The following PDZD2 variants were observed in gnomAD, a reference collection of about 807,000 sequenced individuals.
PDZD2 encodes the protein PDZ domain containing 2.
Under a neutral mutation model 220.7 loss-of-function variants are expected in PDZD2, and 90 were observed. The observed-to-expected ratio is 0.41, with a 90% CI of 0.34 to 0.49. The LOEUF is 0.49. Among genes scored for constraint, PDZD2 ranks in the 20% least tolerant of loss-of-function variants. PDZD2 has a pLI of 0.28. For synonymous variants in PDZD2, 1,375 were observed against 1,450.5 expected, an observed-to-expected ratio of 0.95 and a Z score of 1.18; for missense variants, 3,174 against 3,608.5, an observed-to-expected ratio of 0.88 and a Z score of 3.08.
chr5:31,654,617 C>A (rs926966291), intron 1 of PDZD2, among the ~76,000 whole-genome samples: 1 of 152,152 alleles, frequency 6.6e-6, no homozygotes, highest in Non-Finnish European at 1.5e-5. Flanking sequence ...TGATTCCCAC[C>A]CTGCCCCTTC....
At chr5:31,835,684 C>T (rs2150276420) in intron 2 of PDZD2, among the ~76,000 whole-genome samples, 1 of 151,954 alleles carries the variant, frequency 6.6e-6, no homozygotes, top group Middle Eastern at 3.4e-3. Flanking sequence ...GATAAGAATT[C>T]ATCTAGGGAC....
At chr5:32,010,012 G>A (rs1278651795) in intron 5 of PDZD2, among the ~76,000 whole-genome samples, 8 of 150,262 alleles carry the variant, frequency 5.3e-5, no homozygotes, top group Admixed American at 2.0e-4. Context: ...ACTTGAACCC[G>A]GGAGGCGGAG....
chr5:31,667,812 G>A (rs1746052323), intron 1 of PDZD2, among the ~76,000 whole-genome samples: 5 of 151,252 alleles, frequency 3.3e-5, no homozygotes, highest in Admixed American at 3.3e-4. Flanking sequence ...GCTCAGGAAG[G>A]TAGAGGGGAA....
At chr5:31,885,187 ATGCT>A (rs1740345937) in intron 2 of PDZD2, among the ~76,000 whole-genome samples, 1 of 151,576 alleles carries the variant, frequency 6.6e-6, no homozygotes. Context: ...AAAGAAAAAA[ATGCT>A]TGAGCTGTTA....
chr5:31,749,892 G>T (rs1039334031), intron 1 of PDZD2, among the ~76,000 whole-genome samples: 1 of 152,186 alleles, frequency 6.6e-6, no homozygotes, highest in Non-Finnish European at 1.5e-5. Flanking sequence ...TCTCAGTGGG[G>T]ATAAGGAGAA....
At chr5:31,752,069 G>GTTTT (rs1491302993) in intron 1 of PDZD2, among the ~76,000 whole-genome samples, 4 of 95,854 alleles carry the variant, frequency 4.2e-5, no homozygotes, top group African/African-American at 8.8e-5. Flanking sequence ...ATTGTTTTGG[G>GTTTT]TTTGTTTTTT....
intron 5 of PDZD2, among the ~76,000 whole-genome samples, chr5:32,006,046 C>G (rs1463633421): frequency 2.6e-5 from 4 of 151,430 alleles, no homozygotes; most frequent in Non-Finnish European, 4.4e-5. Context: ...ACTAGGGAGG[C>G]TGAGGCAGGA....
intron 1 of PDZD2, among the ~76,000 whole-genome samples, chr5:31,658,381 C>A (rs969704510): frequency 2.0e-5 from 3 of 152,196 alleles, no homozygotes; most frequent in African/African-American, 7.2e-5. Context: ...TTCCTTCCTG[C>A]TTCTGAGAAA....
intron 1 of PDZD2, among the ~76,000 whole-genome samples, chr5:31,640,085 TC>T (rs2150099946): frequency 6.6e-6 from 1 of 152,174 alleles, no homozygotes; most frequent in South Asian, 2.1e-4. Flanking sequence ...CTCCCTCTGT[TC>T]CTCTCTCCCT....
At chr5:31,958,865 C>T (rs996021797) in intron 2 of PDZD2, among the ~76,000 whole-genome samples, 11 of 152,112 alleles carry the variant, frequency 7.2e-5, no homozygotes, top group South Asian at 2.1e-4. Flanking sequence ...TGACCTCAAG[C>T]GATCCTCCTG....
intron 2 of PDZD2, among the ~76,000 whole-genome samples, chr5:31,892,655 C>T (rs1294578020): frequency 2.6e-5 from 4 of 151,050 alleles, no homozygotes; most frequent in Non-Finnish European, 5.9e-5. Context: ...GCAGCCTCGA[C>T]ATCCCGGACT....
intron 2 of PDZD2, among the ~76,000 whole-genome samples, chr5:31,856,452 G>A (rs1386760819): frequency 2.8e-5 from 4 of 140,940 alleles, no homozygotes; most frequent in Non-Finnish European, 1.6e-5. Flanking sequence ...GATGGGGTTC[G>A]GAATCGAAGT....
chr5:32,065,840 C>T (rs1468531288), intron 14 of PDZD2, among the ~76,000 whole-genome samples: 1 of 152,130 alleles, frequency 6.6e-6, no homozygotes, highest in East Asian at 1.9e-4. Context: ...GTCTGGCCAA[C>T]ATGGGTAAAA....
rs779003315 is a variant in PDZD2, at chr5:32,088,666, G to T, written c.5218G>T (p.Asp1740Tyr). ...MVNGLEHDLL[D>Y]DETLNQYETS... ...AAATGGCTTGGAACATGACCTGCTAGATGACGAAACCCTGAATCAATACGA... is the reference window on the plus strand; with the variant it reads ...AAATGGCTTGGAACATGACCTGCTATATGACGAAACCCTGAATCAATACGA... The change falls in exon 20 of 25, where the codon GAT becomes TAT. Residue 1740 changes from aspartate (D) to tyrosine (Y), a missense_variant. Asp to Tyr is a radical substitution (Grantham distance 160). Coordinates refer to ENST00000438447, the MANE Select transcript of PDZD2 (RefSeq NM_178140.4). The surrounding 1 kb of genome is among the most constrained non-coding windows in gnomAD (Gnocchi z 4.6). 1 of 1,613,952 alleles carries T rather than the reference G, an allele frequency of 6.2e-7. No homozygotes were observed. Among genetic ancestry groups the T allele is most frequent in the African/African-American group, 1.3e-5 (1 of 74,930 alleles).
At chr5:31,676,695 C>T (rs1225234793) in intron 1 of PDZD2, among the ~76,000 whole-genome samples, 2 of 151,424 alleles carry the variant, frequency 1.3e-5, no homozygotes, top group African/African-American at 2.4e-5. Flanking sequence ...GCTGGGATTA[C>T]AGGCATCCAC....
intron 24 of PDZD2, among the ~76,000 whole-genome samples, chr5:32,107,754 T>C (rs1468183536): frequency 2.6e-5 from 4 of 152,220 alleles, no homozygotes; most frequent in Non-Finnish European, 5.9e-5. Context: ...TTACAGATTA[T>C]GTTTGGAGGG....
chr5:31,925,205 C>G (rs1290113626), intron 2 of PDZD2, among the ~76,000 whole-genome samples: 1 of 152,162 alleles, frequency 6.6e-6, no homozygotes, highest in Admixed American at 6.5e-5. Flanking sequence ...CATTACCTGC[C>G]TTCAGACTAT....
At chr5:31,754,849 A>G (rs1751215624) in intron 1 of PDZD2, among the ~76,000 whole-genome samples, 1 of 152,236 alleles carries the variant, frequency 6.6e-6, no homozygotes, top group Admixed American at 6.5e-5. Flanking sequence ...TGCATAACCT[A>G]AGTGTTTCTG....
At position 31,949,418 on chromosome 5, in the gene PDZD2, T is replaced by C. The variant is rs142758262; in HGVS notation, c.477-33737T>C. ...GGCTCATTTAAGCAGGAAAGAAATT[T>C]AGTGACAGAATTTTGGAAAGCTCAC... On this transcript the variant is annotated intron_variant, in intron 2 of 24. Coordinates refer to ENST00000438447, the MANE Select transcript of PDZD2 (RefSeq NM_178140.4). 4.2e-3 allele frequency among the ~76,000 whole-genome samples: 645 copies of C among 152,324 alleles called. 2 individuals are homozygous for C. Among genetic ancestry groups the C allele is most frequent in the African/African-American group, 0.015 (619 of 41,572 alleles).
Sources: gnomAD v4.1 joint callset for allele counts (sites outside exome capture counted in the v4.1 genomes callset) on GRCh38, gnomAD v4.1.1 for gene constraint, Gnocchi (gnomAD v3.1) non-coding constraint, MANE v1.5 for transcripts, NCBI Gene and HGNC (gene_info 2026-07-23, HGNC 2026-07-21) for gene names.